Variants in RAD51B observed in about 807,000 individuals in gnomAD.
RAD51B encodes the protein DNA repair protein RAD51 homolog 2.
In RAD51B, 38 loss-of-function variants were observed where a neutral mutation model predicts 42.2. The ratio of observed to expected loss-of-function variants is 0.90; its 90% CI spans 0.70 to 1.18. The LOEUF is 1.18. Among genes scored for constraint, RAD51B ranks in the 50% most tolerant of loss-of-function variants. RAD51B has a pLI of 0.00. For missense variants in RAD51B, 373 were observed against 400.7 expected, an observed-to-expected ratio of 0.93 and a Z score of 0.59; for synonymous variants, 154 against 145.2, an observed-to-expected ratio of 1.06 and a Z score of -0.43.
intron 7 of RAD51B, among the ~76,000 whole-genome samples, chr14:67,951,765 G>A (rs908196062): frequency 3.3e-5 from 5 of 152,222 alleles, no homozygotes; most frequent in Admixed American, 1.3e-4. Flanking sequence ...GATCTGATGT[G>A]GCTGCAAAGT....
chr14:68,075,751 C>T (rs1013278561), intron 7 of RAD51B, among the ~76,000 whole-genome samples: 37 of 151,348 alleles, frequency 2.4e-4, no homozygotes, highest in African/African-American at 8.5e-4. Flanking sequence ...GAGCCAGGGG[C>T]GCTGCCTGGT....
intron 11 of RAD51B, among the ~76,000 whole-genome samples, chr14:68,653,624 T>G (rs916911899): frequency 2.0e-5 from 3 of 152,190 alleles, no homozygotes; most frequent in Non-Finnish European, 4.4e-5. Context: ...CAACCAAAAA[T>G]GTCTCCAGCC....
At chr14:68,518,555 C>CG (rs748677615) in intron 10 of RAD51B, among the ~76,000 whole-genome samples, 3 of 43,696 alleles carry the variant, frequency 6.9e-5, no homozygotes, top group South Asian at 1.6e-3. Flanking sequence ...GTCATATGAG[C>CG]CCCCCCCCCA....
chr14:68,254,821 C>A (rs1566762195), intron 7 of RAD51B, among the ~76,000 whole-genome samples: 2 of 152,178 alleles, frequency 1.3e-5, no homozygotes, highest in African/African-American at 4.8e-5. Flanking sequence ...GTGAAGAGTT[C>A]TTGTCTGTTT....
intron 9 of RAD51B, among the ~76,000 whole-genome samples, chr14:68,460,369 C>T (rs2085813033): frequency 6.6e-6 from 1 of 152,154 alleles, no homozygotes; most frequent in Non-Finnish European, 1.5e-5. Context: ...AGGAGAATCA[C>T]CTGAACCTGT....
At position 68,555,310 on chromosome 14, in the gene RAD51B, G is replaced by A. The variant is rs181542960; in HGVS notation, c.1037-39175G>A. Among the ~76,000 whole-genome samples the A allele has an allele frequency of 4.6e-5, 7 of 152,328 alleles. No homozygotes were observed. The East Asian group carries it at 1.4e-3, about 29-fold the overall frequency. The stretch of plus-strand genomic sequence containing the variant: ...ATTTCTGGGAAAGATAACACATTAA[G>A]CCTTAACATCCAGTCCATGAAGCTG... On this transcript the variant is annotated intron_variant, in intron 10 of 10. Coordinates refer to the RAD51B transcript ENST00000487270.
chr14:68,561,632 C>T (rs877506), intron 10 of RAD51B, among the ~76,000 whole-genome samples: 33,422 of 152,122 alleles, frequency 0.22, 3,799 homozygotes, highest in East Asian at 0.38. Flanking sequence ...CAGGGACCAG[C>T]AGCGTGAGGG....
intron 7 of RAD51B, among the ~76,000 whole-genome samples, chr14:68,140,056 C>G (rs947170373): frequency 6.6e-6 from 1 of 152,132 alleles, no homozygotes; most frequent in Non-Finnish European, 1.5e-5. Flanking sequence ...CCATGCTGAT[C>G]GTCTCATTAA....
intron 7 of RAD51B, among the ~76,000 whole-genome samples, chr14:68,073,355 T>C (rs1217841529): frequency 6.6e-6 from 1 of 152,212 alleles, no homozygotes; most frequent in African/African-American, 2.4e-5. Context: ...CTGCTCTTTT[T>C]TATTTTATGT....
intron 7 of RAD51B, among the ~76,000 whole-genome samples, chr14:68,205,470 C>G (rs1471052980): frequency 6.6e-6 from 1 of 152,130 alleles, no homozygotes; most frequent in Non-Finnish European, 1.5e-5. Flanking sequence ...AGAGAGAAGA[C>G]TCTTGAGGAC....
chr14:68,361,159 CTT>C (rs1329316912), intron 8 of RAD51B, among the ~76,000 whole-genome samples: 3 of 152,166 alleles, frequency 2.0e-5, no homozygotes, highest in Non-Finnish European at 4.4e-5. Context: ...CAGAGAAAGA[CTT>C]TGCTTCTGAG....
chr14:68,365,504 A>G (rs2083124129), intron 8 of RAD51B, among the ~76,000 whole-genome samples: 1 of 152,234 alleles, frequency 6.6e-6, no homozygotes, highest in Non-Finnish European at 1.5e-5. Context: ...TCATCTGGAG[A>G]AACTGAGATG....
At chr14:68,485,226 A>G (rs75082292) in intron 10 of RAD51B, among the ~76,000 whole-genome samples, 2,482 of 152,282 alleles carry the variant, frequency 0.016, 58 homozygotes, top group African/African-American at 0.051. Context: ...CTTCTTGCTC[A>G]TAACTGTAGA....
At chr14:67,959,537 G>A (rs1219289295) in intron 7 of RAD51B, among the ~76,000 whole-genome samples, 2 of 151,978 alleles carry the variant, frequency 1.3e-5, no homozygotes, top group African/African-American at 4.8e-5. Flanking sequence ...ATGAGCCACC[G>A]CACCCGGCCA....
intron 8 of RAD51B, among the ~76,000 whole-genome samples, chr14:68,314,507 C>T (rs935517219): frequency 6.6e-6 from 1 of 152,114 alleles, no homozygotes. Context: ...ATCATTCAGC[C>T]CCTGGCATTT....
At chr14:68,533,127 A>C (rs1887414983) in intron 10 of RAD51B, among the ~76,000 whole-genome samples, 1 of 152,210 alleles carries the variant, frequency 6.6e-6, no homozygotes, top group Non-Finnish European at 1.5e-5. Context: ...TCTTTCTTTA[A>C]AGATAATATG....
intron 10 of RAD51B, among the ~76,000 whole-genome samples, chr14:68,577,140 G>A (rs1277923681): frequency 2.0e-5 from 3 of 152,146 alleles, no homozygotes; most frequent in Non-Finnish European, 4.4e-5. Context: ...GTCTTTTCTG[G>A]TCTTGACCTT....
At chr14:68,094,456 A>G (rs1247980985) in intron 7 of RAD51B, among the ~76,000 whole-genome samples, 1 of 152,244 alleles carries the variant, frequency 6.6e-6, no homozygotes, top group Non-Finnish European at 1.5e-5. Flanking sequence ...AATATAAAAG[A>G]AGGCTATTCA....
At chr14:68,389,457 C>A (rs1283239080) in intron 8 of RAD51B, among the ~76,000 whole-genome samples, 1 of 152,140 alleles carries the variant, frequency 6.6e-6, no homozygotes, top group East Asian at 1.9e-4. Flanking sequence ...GTTTTATTAA[C>A]CCATAGAAAA....
Sources: gnomAD v4.1 joint callset for allele counts (sites outside exome capture counted in the v4.1 genomes callset) on GRCh38, gnomAD v4.1.1 for gene constraint, MANE v1.5 for transcripts, NCBI Gene and HGNC (gene_info 2026-07-23, HGNC 2026-07-21) for gene names.